NADK: variants seen among roughly 807,000 people sequenced by gnomAD.
NADK encodes the protein poly(P)/ATP NAD kinase.
A neutral mutation model predicts 49.8 loss-of-function variants in NADK; 22 were observed. The ratio of observed to expected loss-of-function variants is 0.44; its 90% CI spans 0.32 to 0.63. The LOEUF is 0.63. Ranked by LOEUF, NADK falls within the 30% of genes least tolerant of loss-of-function variation. The pLI, the probability that NADK is intolerant of heterozygous loss-of-function variation, is 0.06. For synonymous variants in NADK, 268 were observed against 253.7 expected, an observed-to-expected ratio of 1.06 and a Z score of -0.54; for missense variants, 438 against 609.4, an observed-to-expected ratio of 0.72 and a Z score of 2.96.
rs751153785 is a variant in NADK, at chr1:1,774,145, CTATG to C, written c.-41+4140_-41+4143del. ...ACCAACTTTAAACAATTATCTTCAC[CTATG>C]TATGTGTGTGTGTGTATATATATAC... On this transcript the variant is annotated intron_variant, in intron 1 of 11. Coordinates refer to ENST00000341426, the MANE Select transcript of NADK (RefSeq NM_023018.5). 5.1e-4 allele frequency among the ~76,000 whole-genome samples: 77 copies of C among 151,040 alleles called. 1 individual carries two copies. Among genetic ancestry groups the C allele is most frequent in the African/African-American group, 1.5e-3 (63 of 41,214 alleles).
chr1:1,770,548 TG>T (rs755247395), intron 1 of NADK, among the ~76,000 whole-genome samples: 2 of 152,144 alleles, frequency 1.3e-5, no homozygotes, highest in Non-Finnish European at 2.9e-5. Flanking sequence ...CTGGCTAACA[TG>T]GTGAAACTCT....
At chr1:1,761,049 A>G (rs551253061) in intron 3 of NADK, among the ~76,000 whole-genome samples, 58 of 152,218 alleles carry the variant, frequency 3.8e-4, no homozygotes, top group African/African-American at 1.3e-3. Flanking sequence ...CTGGAGTGCA[A>G]TGGTGCGATC....
intron 3 of NADK, chr1:1,758,975 G>T: frequency 7.9e-7 from 1 of 1,259,658 alleles, no homozygotes; most frequent in Non-Finnish European, 1.1e-6. Context: ...AGCCCGCTGC[G>T]TCACTCTGCT....
rs769764174 is a variant in NADK at position 1,754,531 on chromosome 1, C to G, written c.843+13G>C. The G allele has an allele frequency of 6.2e-7, 1 of 1,604,466 alleles. No individual in the cohort carries two copies. Among genetic ancestry groups the G allele is most frequent in the Non-Finnish European group, 8.5e-7 (1 of 1,175,044 alleles). ...CCTGGGCCCCTCACCGAGGCCGAGG[C>G]GCCTCCACTCACCTGGTACTGCATG... On this transcript the variant is annotated intron_variant, in intron 8 of 11. Coordinates refer to ENST00000341426, the MANE Select transcript of NADK (RefSeq NM_023018.5). This position sits in a 1 kb window ranked among gnomAD's most constrained non-coding sequence, Gnocchi z 4.3.
intron 1 of NADK, among the ~76,000 whole-genome samples, chr1:1,766,593 A>G (rs1451259214): frequency 1.3e-5 from 2 of 152,158 alleles, no homozygotes; most frequent in African/African-American, 4.8e-5. Context: ...TCGTGAATTC[A>G]GCGCCAATGA....
In NADK at chr1:1,771,509, G is replaced by A. The variant is rs144556432; in HGVS notation, c.-40-6063C>T. On this transcript the variant is annotated intron_variant, in intron 1 of 11. Transcript: ENST00000341426. ...TGAAAAACTACGGGAACCAGACAGC[G>A]TGGCAGCATCAAGACGGACATACAC... Among the ~76,000 whole-genome samples, 16 of 152,294 alleles carry A rather than the reference G, an allele frequency of 1.1e-4. No individual in the cohort carries two copies. In the East Asian group the frequency reaches 1.2e-3, roughly 11 times the overall value.
rs1469915469 is a variant in NADK, at chr1:1,756,761, G to A, written c.394-153C>T. The stretch of plus-strand genomic sequence containing the variant: ...CACGCTGAAACTTCATCACCAACGC[G>A]CCAGGAGGAAGCAGGACCTTTAAGA... On this transcript the variant is annotated intron_variant, in intron 4 of 11. Coordinates refer to ENST00000341426, the MANE Select transcript of NADK (RefSeq NM_023018.5). 13 of 1,315,290 alleles carry A rather than the reference G, an allele frequency of 9.9e-6. No individual in the cohort carries two copies. The East Asian group carries it at 1.4e-4, about 14-fold the overall frequency. 81.5% of individuals were successfully genotyped at this position (1,315,290 alleles called of 1,614,324 possible).
At chr1:1,777,167 G>A (rs993252501) in intron 1 of NADK, among the ~76,000 whole-genome samples, 8 of 152,188 alleles carry the variant, frequency 5.3e-5, no homozygotes, top group Non-Finnish European at 1.2e-4. Context: ...GGTGGCACCT[G>A]TGATTCCTCA....
intron 1 of NADK, among the ~76,000 whole-genome samples, chr1:1,773,755 TGA>T (rs1646128471): frequency 1.1e-5 from 1 of 91,586 alleles, no homozygotes; most frequent in Non-Finnish European, 2.5e-5. Context: ...ATAGAGATAT[TGA>T]GAGACTGAGA....
chr1:1,773,744 A>AGAGAT (rs1438314774), intron 1 of NADK, among the ~76,000 whole-genome samples: 2 of 54,752 alleles, frequency 3.7e-5, no homozygotes, highest in East Asian at 6.6e-4. Context: ...GAGAGAGAGA[A>AGAGAT]ATAGAGATAT....
chr1:1,753,334 C>T (rs78973902), intron 11 of NADK, among the ~76,000 whole-genome samples: 1 of 152,104 alleles, frequency 6.6e-6, no homozygotes, highest in Non-Finnish European at 1.5e-5. Context: ...GCAGCAGTGC[C>T]AGGGGGGACA....
At chr1:1,766,470 A>AACAATAC (rs1645891343) in intron 1 of NADK, among the ~76,000 whole-genome samples, 1 of 150,364 alleles carries the variant, frequency 6.7e-6, no homozygotes, top group Admixed American at 6.7e-5. Flanking sequence ...TTTTCTCGTA[A>AACAATAC]ACAATACAAC....
chr1:1,768,778 G>A (rs1403416516), intron 1 of NADK, among the ~76,000 whole-genome samples: 1 of 152,176 alleles, frequency 6.6e-6, no homozygotes, highest in Admixed American at 6.6e-5. Flanking sequence ...CCATGCCTGT[G>A]GCACTTTGTT....
At chr1:1,766,537 A>AAATAAAAT (rs751072748) in intron 1 of NADK, among the ~76,000 whole-genome samples, 4 of 151,788 alleles carry the variant, frequency 2.6e-5, no homozygotes, top group Non-Finnish European at 5.9e-5. Flanking sequence ...AAAAGCTGTC[A>AAATAAAAT]AATAAAATTG....
intron 6 of NADK, 49 bp from the exon 7 acceptor site, chr1:1,755,525 C>T: frequency 7.3e-7 from 1 of 1,362,380 alleles, no homozygotes; most frequent in Non-Finnish European, 1.0e-6. Flanking sequence ...TGCACCCCCG[C>T]ACCACCCAGC....
chr1:1,768,890 C>T (rs1400461983), intron 1 of NADK, among the ~76,000 whole-genome samples: 4 of 152,148 alleles, frequency 2.6e-5, no homozygotes, highest in African/African-American at 9.7e-5. Flanking sequence ...CCCTATGCTA[C>T]GGTCAAAGCC....
chr1:1,759,626 TG>T, intron 3 of NADK: 1 of 1,249,364 alleles, frequency 8.0e-7, no homozygotes, highest in Non-Finnish European at 1.1e-6. Context: ...ACAGCGGGGA[TG>T]GGAAGCGGGA....
chr1:1,776,436 C>T (rs1646211821), intron 1 of NADK, among the ~76,000 whole-genome samples: 1 of 150,114 alleles, frequency 6.7e-6, no homozygotes, highest in Non-Finnish European at 1.5e-5. Flanking sequence ...ACTGAAACAA[C>T]ATAAACCCAC....
At chr1:1,758,568 T>TA in intron 3 of NADK, 1 of 1,541,858 alleles carries the variant, frequency 6.5e-7, no homozygotes, top group Non-Finnish European at 8.8e-7. Context: ...ACTAGAAGCC[T>TA]AAGCTCTTCA....
Sources: allele counts gnomAD v4.1 joint callset (sites outside exome capture counted in the v4.1 genomes callset), GRCh38; gene constraint gnomAD v4.1.1; non-coding constraint Gnocchi (gnomAD v3.1); transcripts MANE v1.5; gene names NCBI Gene and HGNC (gene_info 2026-07-23, HGNC 2026-07-21).